Variants in CCDC125 observed in about 807,000 individuals in gnomAD.
CCDC125 encodes coiled-coil domain containing 125.
Under a neutral mutation model 57.4 loss-of-function variants are expected in CCDC125, and 43 were observed. That is an observed-to-expected ratio of 0.75 (90% CI 0.59 to 0.97). The LOEUF (loss-of-function observed/expected upper bound fraction) is 0.97. Ranked by LOEUF, CCDC125 falls within the 50% of genes least tolerant of loss-of-function variation. The pLI, the probability that CCDC125 is intolerant of heterozygous loss-of-function variation, is 0.00. For missense variants in CCDC125, 563 were observed against 595.7 expected, an observed-to-expected ratio of 0.95 and a Z score of 0.57; for synonymous variants, 187 against 195.2, an observed-to-expected ratio of 0.96 and a Z score of 0.35.
chr5:69,289,153 TAAC>T (rs1215923069), intron 10 of CCDC125, among the ~76,000 whole-genome samples: 8 of 152,250 alleles, frequency 5.3e-5, no homozygotes, highest in African/African-American at 1.9e-4. Flanking sequence ...AAGATTACTT[TAAC>T]CCTGACTTTC....
At position 69,314,446 on chromosome 5, in the gene CCDC125, T is replaced by TA. The variant is rs561820787; in HGVS notation, c.305-401dup. 1.4e-3 allele frequency among the ~76,000 whole-genome samples: 202 copies of TA among 145,446 alleles called. 3 individuals are homozygous for TA. Among genetic ancestry groups the TA allele is most frequent in the Admixed American group, 0.013 (179 of 14,172 alleles). ...TGCCACTGTATTCCAGCCTGGGTGA[T>TA]AGAGTAACTCTGTTTCAAAAAAAAA... On this transcript the variant is annotated intron_variant, in intron 2 of 11. Transcript: ENST00000396496.
rs114106983 is a variant in CCDC125, at chr5:69,306,684, C to T, written c.617+133G>A. ...GAAAATTAACACTAACAAAAATATG[C>T]GACTAGTAAGTGGATAAGCAATAAA... On this transcript the variant is annotated intron_variant, in intron 6 of 11. Coordinates refer to ENST00000396496, the MANE Select transcript of CCDC125 (RefSeq NM_176816.5). The T allele has an allele frequency of 3.2e-3, 3,274 of 1,020,414 alleles. 12 individuals carry two copies. The highest frequency in any genetic ancestry group is 3.6e-3 in the Non-Finnish European group (2,837 of 781,810). 63.2% of individuals were successfully genotyped at this position (1,020,414 alleles called of 1,614,324 possible). A position where few individuals can be genotyped will look rare whatever the true frequency, so the allele number is the denominator to read the frequency against.
In CCDC125 at chr5:69,286,187, ACTATATATATATATATATATATATAT is replaced by A. The variant is rs1274377805; in HGVS notation, c.1100-746_1100-721del. ...CACTTAAAAACAGTTCAAATGGTAA[ACTATATATATATATATATATATATAT>A]ATATATATATATATATATATAATTT... On this transcript the variant is annotated intron_variant, in intron 10 of 11. Transcript: ENST00000396496. Among the ~76,000 whole-genome samples the A allele has an allele frequency of 0.013, 682 of 53,934 alleles. 38 individuals are homozygous for A. The East Asian group carries it at 0.19, about 15-fold the overall frequency. 35.4% of individuals were successfully genotyped at this position (53,934 alleles called of 152,430 possible). A position where few individuals can be genotyped will look rare whatever the true frequency, so the allele number is the denominator to read the frequency against.
intron 10 of CCDC125, among the ~76,000 whole-genome samples, chr5:69,289,724 A>T (rs1754083072): frequency 2.0e-5 from 3 of 151,862 alleles, no homozygotes; most frequent in African/African-American, 7.3e-5. Flanking sequence ...TTAGCCTGGC[A>T]TGGTGGCACA....
At chr5:69,310,520 C>T (rs1757967208) in intron 4 of CCDC125, 1 of 158,218 alleles carries the variant, frequency 6.3e-6, no homozygotes, top group African/African-American at 2.4e-5. Context: ...AATTAAACCT[C>T]TTTTTTTCCC....
chr5:69,273,383 G>A, the CCDC125 span, among the ~76,000 whole-genome samples: 3 of 152,086 alleles, frequency 2.0e-5, no homozygotes, highest in Non-Finnish European at 4.4e-5. Flanking sequence ...TATTTCAGTT[G>A]AGCTCTTACA....
the CCDC125 span, among the ~76,000 whole-genome samples, chr5:69,273,886 T>G: frequency 6.6e-6 from 1 of 152,124 alleles, no homozygotes; most frequent in Non-Finnish European, 1.5e-5. Context: ...TATATGGAGA[T>G]GGATGGATGG....
intron 1 of CCDC125, among the ~76,000 whole-genome samples, chr5:69,322,085 C>A (rs555134917): frequency 1.3e-5 from 2 of 152,144 alleles, no homozygotes; most frequent in African/African-American, 4.8e-5. Context: ...AGGTGATCTG[C>A]CTGCCTCGGC....
intron 6 of CCDC125, among the ~76,000 whole-genome samples, chr5:69,304,338 C>T (rs1221312071): frequency 6.6e-6 from 1 of 151,940 alleles, no homozygotes; most frequent in Non-Finnish European, 1.5e-5. Context: ...CTCCTGACCT[C>T]AAGTGATCAG....
At chr5:69,293,596 C>T (rs916673764) in intron 9 of CCDC125, among the ~76,000 whole-genome samples, 10 of 146,796 alleles carry the variant, frequency 6.8e-5, no homozygotes, top group African/African-American at 1.5e-4. Flanking sequence ...TGCAGTGAGC[C>T]GAGATTGCAC....
rs1160346601 is a variant in CCDC125, at chr5:69,320,287, G to A, written c.254C>T (p.Thr85Ile). Residue 85 changes from threonine to isoleucine, a missense_variant, in exon 2 of 12, where the codon ACA becomes ATA. Transcript: ENST00000396496. Reference sequence around the variant, plus strand: ...GGAAATTCTGGACACTTGAGGGAATGTATCTTGCTGGCTCTTATGCTTGGA... The same window carrying A: ...GGAAATTCTGGACACTTGAGGGAATATATCTTGCTGGCTCTTATGCTTGGA... ...QYSKHKSQQD[T>I]FPQVSRISNY... The A allele has an allele frequency of 3.1e-6, 5 of 1,614,086 alleles. No individual in the cohort carries two copies. Among genetic ancestry groups the A allele is most frequent in the East Asian group, 4.5e-5 (2 of 44,882 alleles).
rs771037105 is a variant in CCDC125 at position 69,303,899 on chromosome 5, C to A, written c.648G>T (p.Glu216Asp). Residue 216 changes from glutamate (E) to aspartate (D), a missense_variant, in exon 7 of 12, where the codon GAG (glutamate) becomes GAT (aspartate). Coordinates refer to ENST00000396496, the MANE Select transcript of CCDC125 (RefSeq NM_176816.5). ...TTTCTTCTGTTTTCACTTTCAAATT[C>A]TCTTTGAGGACTGCATTTTCACAGT... ...RLNCENAVLK[E>D]NLKVKTEEIK... 7 of 1,607,228 alleles carry A rather than the reference C, an allele frequency of 4.4e-6. No homozygotes were observed. In the East Asian group the frequency reaches 1.6e-4, roughly 36 times the overall value.
At chr5:69,287,670 AG>A (rs1753737763) in intron 10 of CCDC125, among the ~76,000 whole-genome samples, 1 of 151,770 alleles carries the variant, frequency 6.6e-6, no homozygotes. Flanking sequence ...CCCAGGCTCA[AG>A]CGATCCTCCC....
At chr5:69,296,981 C>A (rs552644451) in intron 8 of CCDC125, among the ~76,000 whole-genome samples, 3 of 152,250 alleles carry the variant, frequency 2.0e-5, no homozygotes, top group African/African-American at 7.2e-5. Flanking sequence ...AAGCTAACCA[C>A]AAATACTTTC....
In CCDC125 at chr5:69,282,512, G is replaced by C; in HGVS notation, c.*217C>G. ...GGAGGCGGAGGTTGCAGTGAACCGAGATCACACCACTGCACTCCAACCTGG... is the reference window on the plus strand; with the variant it reads ...GGAGGCGGAGGTTGCAGTGAACCGACATCACACCACTGCACTCCAACCTGG... On this transcript the variant is annotated 3_prime_UTR_variant, in exon 12 of 12. Transcript: ENST00000396496. The C allele has an allele frequency of 2.3e-6, 1 of 441,332 alleles. No individual in the cohort carries two copies. Among genetic ancestry groups the C allele is most frequent in the Admixed American group, 4.1e-5 (1 of 24,286 alleles). 27.3% of individuals were successfully genotyped at this position (441,332 alleles called of 1,614,324 possible). A position where few individuals can be genotyped will look rare whatever the true frequency, so the allele number is the denominator to read the frequency against.
intron 7 of CCDC125, among the ~76,000 whole-genome samples, chr5:69,300,865 T>C (rs1450640464): frequency 6.6e-6 from 1 of 152,012 alleles, no homozygotes; most frequent in African/African-American, 2.4e-5. Flanking sequence ...TTTTCTTCTT[T>C]TTTCCTTTCT....
At chr5:69,293,539 A>C (rs1754832637) in intron 9 of CCDC125, among the ~76,000 whole-genome samples, 1 of 151,564 alleles carries the variant, frequency 6.6e-6, no homozygotes, top group South Asian at 2.1e-4. Flanking sequence ...AATCCCAGCT[A>C]CTCAGGAGCC....
rs752661627 is a variant in CCDC125, at chr5:69,282,768, A to G, written c.1497T>C (p.Leu499=). The G allele has an allele frequency of 5.0e-6, 8 of 1,604,656 alleles. No homozygotes were observed. The highest frequency in any genetic ancestry group is 6.8e-6 in the Non-Finnish European group (8 of 1,177,670). ...TTGATGGCAAAGAATGGGATCTTTT[A>G]AGAGTTCTATAGTTTGGATCTATTT... The part of the protein sequence containing the change: ...HSQIDPNYRT[L]KRSHSLPSSI... The change falls in exon 12 of 12, where the codon CTT becomes CTC. Residue 499 remains leucine (L), a synonymous_variant. Coordinates refer to ENST00000396496, the MANE Select transcript of CCDC125 (RefSeq NM_176816.5).
intron 8 of CCDC125, among the ~76,000 whole-genome samples, chr5:69,295,947 G>T (rs1235167996): frequency 1.3e-5 from 2 of 149,902 alleles, no homozygotes; most frequent in Non-Finnish European, 3.0e-5. Flanking sequence ...GCAGTGGCGC[G>T]ATCTCGGCTC....
Sources: gnomAD v4.1 joint callset for allele counts (sites outside exome capture counted in the v4.1 genomes callset) on GRCh38, gnomAD v4.1.1 for gene constraint, MANE v1.5 for transcripts, NCBI Gene and HGNC (gene_info 2026-07-23, HGNC 2026-07-21) for gene names.